USP19: variants seen among roughly 807,000 people sequenced by gnomAD.
The protein encoded by USP19 is ubiquitin carboxyl-terminal hydrolase 19.
Under a neutral mutation model 144.8 loss-of-function variants are expected in USP19, and 40 were observed. The ratio of observed to expected loss-of-function variants is 0.28; its 90% CI spans 0.21 to 0.36. The LOEUF (loss-of-function observed/expected upper bound fraction) is 0.36. Ranked by LOEUF, USP19 falls within the 10% of genes least tolerant of loss-of-function variation. The pLI, the probability that USP19 is intolerant of heterozygous loss-of-function variation, is 1.00. For synonymous variants in USP19, 701 were observed against 709.3 expected (o/e 0.99, Z 0.19); for missense variants, 1,518 against 1,822.5 (o/e 0.83, Z 3.04).
Position 49,114,843 on chromosome 3 carries a change from T to C in USP19, c.2212A>G (p.Lys738Glu). The part of the protein sequence containing the change: ...VVAEEAWQRH[K>E]MRNDSFIVDL... The stretch of plus-strand genomic sequence containing the variant: ...ACGATGAAAGAGTCATTCCTCATCT[T>C]GTGCCGCTGCCATGCTTCCTCAGCT... Residue 738 changes from lysine (K) to glutamate (E), a missense_variant, in exon 15 of 27, where the codon AAG (lysine) becomes GAG (glutamate). By Grantham distance (56) the Lys-to-Glu change is moderately conservative. Coordinates refer to ENST00000417901, the MANE Select transcript of USP19 (RefSeq NM_001199161.2). This position sits in a 1 kb window ranked among gnomAD's most constrained non-coding sequence, Gnocchi z 4.5. The C allele has an allele frequency of 1.2e-6, 2 of 1,614,166 alleles. No homozygotes were observed. Among genetic ancestry groups the C allele is most frequent in the Non-Finnish European group, 1.7e-6 (2 of 1,180,030 alleles).
At chr3:49,109,311 A>G in intron 26 of USP19, 1 of 1,217,196 alleles carries the variant, frequency 8.2e-7, no homozygotes, top group Non-Finnish European at 1.1e-6. Context: ...TAGATCAAAC[A>G]GCAAGGAGGA....
At position 49,111,820 on chromosome 3, in the gene USP19, A is replaced by T; in HGVS notation, c.2904-7T>A. The stretch of plus-strand genomic sequence containing the variant: ...GAATACACTCACAGAGTACCTGGCA[A>T]CAGAGAACAACGCAAGTAAGACTCC... On this transcript the variant is annotated splice_region_variant and splice_polypyrimidine_tract_variant and intron_variant, in intron 20 of 26. Transcript: ENST00000417901. This position sits in a 1 kb window ranked among gnomAD's most constrained non-coding sequence, Gnocchi z 5.9. 6.4e-7 allele frequency: 1 copy of T among 1,574,578 alleles called. No individual in the cohort carries two copies.
rs558509421 is a variant in USP19, at chr3:49,111,215, C to T, written c.3328+40G>A. The T allele has an allele frequency of 1.1e-5, 17 of 1,614,066 alleles. No homozygotes were observed. The African/African-American group carries it at 1.9e-4, about 18-fold the overall frequency. The stretch of plus-strand genomic sequence containing the variant: ...TCATGCAGCTGTGGAGAACAGCCAG[C>T]TCAACCCACCCCATGGCTCCCACCC... On this transcript the variant is annotated intron_variant, in intron 22 of 26. Transcript: ENST00000417901. The surrounding 1 kb of genome is among the most constrained non-coding windows in gnomAD (Gnocchi z 5.9).
Position 49,117,970 on chromosome 3 carries a change from G to A in USP19, c.275C>T (p.Pro92Leu). The change falls in exon 3 of 27, where the codon CCT (proline) becomes CTT (leucine). Residue 92 changes from proline to leucine, a missense_variant. Transcript: ENST00000417901. The surrounding 1 kb of genome is among the most constrained non-coding windows in gnomAD (Gnocchi z 4.4). ...FPSSSGSAST[P>L]QEEQTKEGAC... Reference sequence around the variant, plus strand: ...ACCCTCTTTGGTCTGCTCCTCTTGAGGAGTGGATGCTGACCCTGACGATGA... The same window carrying A: ...ACCCTCTTTGGTCTGCTCCTCTTGAAGAGTGGATGCTGACCCTGACGATGA... 1 of 1,612,462 alleles carries A rather than the reference G, an allele frequency of 6.2e-7. No individual in the cohort carries two copies. Among genetic ancestry groups the A allele is most frequent in the Non-Finnish European group, 8.5e-7 (1 of 1,179,640 alleles).
Position 49,111,508 on chromosome 3 carries a change from C to G in USP19, c.3209G>C (p.Arg1070Pro). ...GSLPAGERVS[R>P]PEAAVPGYQH... Reference sequence around the variant, plus strand: ...CTTTCACTGGATCTTACCTTCGGGTCGGGACACCCTCTCGCCAGCTGGCAA... The same window carrying G: ...CTTTCACTGGATCTTACCTTCGGGTGGGGACACCCTCTCGCCAGCTGGCAA... Residue 1070 changes from arginine (R) to proline (P), a missense_variant, in exon 21 of 27, where the codon CGA becomes CCA. This residue lies in a region of USP19 where 413 missense variants were observed against 515.8 expected (regional missense o/e 0.80). Coordinates refer to ENST00000417901, the MANE Select transcript of USP19 (RefSeq NM_001199161.2). This position sits in a 1 kb window ranked among gnomAD's most constrained non-coding sequence, Gnocchi z 5.9. 6.2e-7 allele frequency: 1 copy of G among 1,611,288 alleles called. No individual in the cohort carries two copies. The highest frequency in any genetic ancestry group is 8.5e-7 in the Non-Finnish European group (1 of 1,179,766).
chr3:49,115,792 G>T lies in USP19; in HGVS notation c.1624C>A (p.Leu542Ile). ...GGTGTGCGGGTTGCCACACTGTCTA[G>T]CCCTGTGTCCTCAGATCGTGCCTTG... is the stretch of plus-strand genomic sequence containing the variant. ...KSKARSEDTG[L>I]DSVATRTPME... The change falls in exon 11 of 27, where the codon CTA (leucine) becomes ATA (isoleucine). Residue 542 changes from leucine (L) to isoleucine (I), a missense_variant. Coordinates refer to ENST00000417901, the MANE Select transcript of USP19 (RefSeq NM_001199161.2). The surrounding 1 kb of genome is among the most constrained non-coding windows in gnomAD (Gnocchi z 6.6). 6.2e-7 allele frequency: 1 copy of T among 1,614,104 alleles called. No homozygotes were observed. The highest frequency in any genetic ancestry group is 8.5e-7 in the Non-Finnish European group (1 of 1,179,970).
Position 49,112,090 on chromosome 3 carries a change from C to T in USP19, c.2766-42G>A. The T allele has an allele frequency of 1.9e-6, 3 of 1,604,396 alleles. No homozygotes were observed. The highest frequency in any genetic ancestry group is 1.7e-5 in the Admixed American group (1 of 59,380). Reference sequence around the variant, plus strand: ...GACAAGGATAGGCCCTTAGCCCCATCTCCTATGACTCCATACTGGGGGCTA... The same window carrying T: ...GACAAGGATAGGCCCTTAGCCCCATTTCCTATGACTCCATACTGGGGGCTA... On this transcript the variant is annotated intron_variant, in intron 19 of 26. Transcript: ENST00000417901. The surrounding 1 kb of genome is among the most constrained non-coding windows in gnomAD (Gnocchi z 4.9).
Position 49,114,978 on chromosome 3 carries a change from G to T in USP19, c.2162C>A (p.Ser721Ter). 2 of 1,614,168 alleles carry T rather than the reference G, an allele frequency of 1.2e-6. No individual in the cohort carries two copies. The highest frequency in any genetic ancestry group is 1.7e-6 in the Non-Finnish European group (2 of 1,180,036). Residue 721 changes from serine to a stop codon, truncating the protein, a stop_gained, in exon 14 of 27, where the codon TCA (serine) becomes TAA (stop). Transcript: ENST00000417901. LOFTEE classifies it high-confidence loss of function. The surrounding 1 kb of genome is among the most constrained non-coding windows in gnomAD (Gnocchi z 4.5). Reference protein sequence around the residue: ...QNKPYTETVDSDGRPDEVVAE... With the variant: ...QNKPYTETVD ...CCTGACCTCATCGGGCCGCCCATCT[G>T]AATCCACGGTCTCTGTGTAGGGCTT...
In USP19 at chr3:49,117,844, G is replaced by A. The variant is rs779913957; in HGVS notation, c.299-14C>T. 3.7e-6 allele frequency: 6 copies of A among 1,614,032 alleles called. No homozygotes were observed. The South Asian group carries it at 6.6e-5, about 18-fold the overall frequency. On this transcript the variant is annotated splice_polypyrimidine_tract_variant and intron_variant, in intron 3 of 26. Coordinates refer to ENST00000417901, the MANE Select transcript of USP19 (RefSeq NM_001199161.2). The surrounding 1 kb of genome is among the most constrained non-coding windows in gnomAD (Gnocchi z 4.4). ...CTTCACAAGCTCCTGATGGTGATAA[G>A]CAGGTAACAGAGACCCAGCCTAATG...
In USP19 at chr3:49,110,097, C is replaced by G; in HGVS notation, c.4038+87G>C. 7.2e-7 allele frequency: 1 copy of G among 1,398,104 alleles called. No individual in the cohort carries two copies. Among genetic ancestry groups the G allele is most frequent in the Non-Finnish European group, 9.4e-7 (1 of 1,069,090 alleles). 86.6% of individuals were successfully genotyped at this position (1,398,104 alleles called of 1,614,324 possible). ...ATCCCAAGGCTCAATGGGCCTGTGG[C>G]TGGAGGAGAGGAAGCTATATCCCCC... On this transcript the variant is annotated intron_variant, in intron 26 of 26. Transcript: ENST00000417901. The surrounding 1 kb of genome is among the most constrained non-coding windows in gnomAD (Gnocchi z 6.1).
chr3:49,117,204 C>T lies in USP19; in HGVS notation c.764G>A (p.Gly255Asp). 1.9e-6 allele frequency: 3 copies of T among 1,548,120 alleles called. No homozygotes were observed. The highest frequency in any genetic ancestry group is 1.2e-5 in the South Asian group (1 of 84,436). ...CTGGGCCCCGGGGCCAGCCCCTGCG[C>T]CTACCTCACCACGGCCCTGGGCCCG... ...QKRAQGRGEV[G>D]AGAGPGAQAG... The change falls in exon 6 of 27, where the codon GGC becomes GAC. Residue 255 changes from glycine (G) to aspartate (D), a missense_variant. Physicochemically the swap from Gly to Asp is moderately conservative, Grantham distance 94 (BLOSUM62 -1). Transcript: ENST00000417901. This position sits in a 1 kb window ranked among gnomAD's most constrained non-coding sequence, Gnocchi z 4.4.
chr3:49,116,702 T>G lies in USP19; in HGVS notation c.1126+25A>C. 3 of 1,607,434 alleles carry G rather than the reference T, an allele frequency of 1.9e-6. No homozygotes were observed. The highest frequency in any genetic ancestry group is 1.7e-6 in the Non-Finnish European group (2 of 1,175,886). ...CAAACTTTGCAACCCAACCTAGGGCTCTGCCTGCCCACCCCCACCTTTACC... is the reference window on the plus strand; with the variant it reads ...CAAACTTTGCAACCCAACCTAGGGCGCTGCCTGCCCACCCCCACCTTTACC... On this transcript the variant is annotated intron_variant, in intron 7 of 26. Coordinates refer to ENST00000417901, the MANE Select transcript of USP19 (RefSeq NM_001199161.2). The surrounding 1 kb of genome is among the most constrained non-coding windows in gnomAD (Gnocchi z 5.0).
rs770425871 is a variant in USP19, at chr3:49,110,846, T to C, written c.3563A>G (p.Lys1188Arg). The stretch of plus-strand genomic sequence containing the variant: ...CTGCTTGGAGGCCTCACGGTGCTGT[T>C]TGCACTGTGGGCAGTACCTGGTGGG... ...PEEAWYCPQC[K>R]QHREASKQLL... The change falls in exon 24 of 27, where the codon AAA (lysine) becomes AGA (arginine). Residue 1188 changes from lysine (K) to arginine (R), a missense_variant. Around this residue, in one of 5 missense-constraint regions of USP19, gnomAD observed 122 missense variants for 200.4 expected, o/e 0.61. Coordinates refer to ENST00000417901, the MANE Select transcript of USP19 (RefSeq NM_001199161.2). The surrounding 1 kb of genome is among the most constrained non-coding windows in gnomAD (Gnocchi z 6.1). 14 of 1,614,056 alleles carry C rather than the reference T, an allele frequency of 8.7e-6. No individual in the cohort carries two copies. The East Asian group carries it at 1.6e-4, about 18-fold the overall frequency.
At chr3:49,120,040 C>T (rs2044922233) in intron 1 of USP19, among the ~76,000 whole-genome samples, 1 of 152,196 alleles carries the variant, frequency 6.6e-6, no homozygotes, top group African/African-American at 2.4e-5. Context: ...GATGCCTTCA[C>T]TCATGAGCTC....
rs147592441 is a variant in USP19, at chr3:49,116,416, T to C, written c.1283+35A>G. 411 of 1,614,020 alleles carry C rather than the reference T, an allele frequency of 2.5e-4. 3 individuals are homozygous for C. In the African/African-American group the frequency reaches 4.8e-3, roughly 19 times the overall value. ...AGAGCATGAGACATACTGTCCCACC[T>C]GAGGCATTGTTTGCCCCATCATCTA... On this transcript the variant is annotated intron_variant, in intron 8 of 26. Transcript: ENST00000417901. The surrounding 1 kb of genome is among the most constrained non-coding windows in gnomAD (Gnocchi z 5.0).
At chr3:49,118,407 A>C (rs1435348756) in intron 2 of USP19, among the ~76,000 whole-genome samples, 2 of 152,082 alleles carry the variant, frequency 1.3e-5, no homozygotes, top group African/African-American at 4.8e-5. Flanking sequence ...GTCTCTACTA[A>C]AAATACAAAA....
intron 17 of USP19, among the ~76,000 whole-genome samples, chr3:49,113,100 G>T (rs2043438498): frequency 1.3e-5 from 2 of 152,110 alleles, no homozygotes; most frequent in Admixed American, 6.5e-5. Flanking sequence ...GGATAGTCCT[G>T]CAGCTCAAGC....
rs961852658 is a variant in USP19 at position 49,114,413 on chromosome 3, G to C, written c.2293-129C>G. The C allele has an allele frequency of 8.2e-5, 66 of 802,066 alleles. No individual in the cohort carries two copies. Among genetic ancestry groups the C allele is most frequent in the Non-Finnish European group, 1.4e-5 (7 of 499,814 alleles). 49.7% of individuals were successfully genotyped at this position (802,066 alleles called of 1,614,324 possible). On this transcript the variant is annotated intron_variant, in intron 15 of 26. Coordinates refer to ENST00000417901, the MANE Select transcript of USP19 (RefSeq NM_001199161.2). This position sits in a 1 kb window ranked among gnomAD's most constrained non-coding sequence, Gnocchi z 4.5. ...CCACAGCCAACCAGCAAACTCTCAGGCTTCAGGACACTAGACAGGGCAGGA... is the reference window on the plus strand; with the variant it reads ...CCACAGCCAACCAGCAAACTCTCAGCCTTCAGGACACTAGACAGGGCAGGA...
chr3:49,111,036 A>G lies in USP19; in HGVS notation c.3459T>C (p.Gly1153=). 6.2e-7 allele frequency: 1 copy of G among 1,613,986 alleles called. No individual in the cohort carries two copies. Among genetic ancestry groups the G allele is most frequent in the Non-Finnish European group, 8.5e-7 (1 of 1,180,024 alleles). The part of the protein sequence containing the change: ...LECAEDPGSA[G]EAARAGHFTL... ...TGAAGTGGCCGGCCCGGGCAGCCTC[A>G]CCGGCAGAGCCTGGATCCTCAGCAC... Residue 1153 remains glycine (G), a synonymous_variant, in exon 23 of 27, where the codon GGT becomes GGC. Transcript: ENST00000417901. The surrounding 1 kb of genome is among the most constrained non-coding windows in gnomAD (Gnocchi z 5.9).
Sources: gnomAD v4.1 joint callset for allele counts (sites outside exome capture counted in the v4.1 genomes callset) on GRCh38, gnomAD v4.1.1 for gene constraint, gnomAD v4.1.1 regional missense constraint, Gnocchi (gnomAD v3.1) non-coding constraint, MANE v1.5 for transcripts, NCBI Gene and HGNC (gene_info 2026-07-23, HGNC 2026-07-21) for gene names.